VOPP1: variants seen among roughly 807,000 people sequenced by gnomAD.
VOPP1 encodes WW domain binding protein VOPP1.
In VOPP1, 8 loss-of-function variants were observed where a neutral mutation model predicts 23.5. The observed-to-expected ratio is 0.34, with a 90% CI of 0.20 to 0.61. The LOEUF (loss-of-function observed/expected upper bound fraction) is 0.61, where lower values mean the gene tolerates loss of function less well. Among genes scored for constraint, VOPP1 ranks in the 20% least tolerant of loss-of-function variants. The pLI is 0.78. For synonymous variants in VOPP1, 83 were observed against 97.3 expected, an observed-to-expected ratio of 0.85 and a Z score of 0.86; for missense variants, 174 against 238.1, an observed-to-expected ratio of 0.73 and a Z score of 1.77.
downstream of VOPP1, among the ~76,000 whole-genome samples, chr7:55,435,646 G>A (rs978320493): frequency 9.9e-5 from 15 of 152,210 alleles, no homozygotes; most frequent in Non-Finnish European, 2.9e-5. Flanking sequence ...TCAGAGGCAG[G>A]GCTCCTTTAT....
chr7:55,518,206 G>A (rs1341795149), intron 2 of VOPP1, among the ~76,000 whole-genome samples: 1 of 152,218 alleles, frequency 6.6e-6, no homozygotes, highest in Non-Finnish European at 1.5e-5. Context: ...CAATGTCACA[G>A]AGCTGGTAAA....
intron 1 of VOPP1, among the ~76,000 whole-genome samples, chr7:55,556,636 A>ACC (rs5884422): frequency 0.023 from 3,293 of 145,982 alleles, 42 homozygotes; most frequent in Non-Finnish European, 0.026. Context: ...AGCTGTTGGA[A>ACC]CCCCCCCCCA....
chr7:55,539,699 G>A (rs989436366), intron 1 of VOPP1: 3 of 152,226 alleles, frequency 2.0e-5, no homozygotes, highest in Non-Finnish European at 4.4e-5. Flanking sequence ...GAGTCCCTCT[G>A]GAGGTGGCAT....
chr7:55,487,900 T>C (rs1318701809), intron 4 of VOPP1, among the ~76,000 whole-genome samples: 1 of 152,208 alleles, frequency 6.6e-6, no homozygotes, highest in Non-Finnish European at 1.5e-5. Context: ...AGGCCTACAG[T>C]GCTGCCTCAG....
intron 4 of VOPP1, among the ~76,000 whole-genome samples, chr7:55,450,091 G>A (rs1480231233): frequency 6.6e-6 from 1 of 152,220 alleles, no homozygotes; most frequent in Non-Finnish European, 1.5e-5. Context: ...AGCAACGATT[G>A]CATTTCACCT....
intron 1 of VOPP1, among the ~76,000 whole-genome samples, chr7:55,528,554 G>A (rs1796317899): frequency 1.3e-5 from 2 of 152,058 alleles, no homozygotes; most frequent in African/African-American, 4.8e-5. Flanking sequence ...GCGTGGTGGC[G>A]CATGCCTGTA....
chr7:55,546,067 A>G (rs1027708863), intron 1 of VOPP1, among the ~76,000 whole-genome samples: 2 of 152,206 alleles, frequency 1.3e-5, no homozygotes, highest in Non-Finnish European at 2.9e-5. Context: ...ACCCTGTCTC[A>G]ATTAAAAAAA....
intron 4 of VOPP1, among the ~76,000 whole-genome samples, chr7:55,478,546 G>A (rs1245087388): frequency 6.6e-6 from 1 of 152,180 alleles, no homozygotes; most frequent in Non-Finnish European, 1.5e-5. Context: ...CTCCCAAGGA[G>A]AATGGTTTGC....
At chr7:55,451,232 C>T (rs1006032777) in intron 4 of VOPP1, among the ~76,000 whole-genome samples, 17 of 152,152 alleles carry the variant, frequency 1.1e-4, no homozygotes, top group Non-Finnish European at 1.9e-4. Flanking sequence ...TGGACACTTC[C>T]GCACAGCCCA....
intron 1 of VOPP1, chr7:55,552,796 C>A: frequency 6.7e-7 from 1 of 1,498,096 alleles, no homozygotes; most frequent in Non-Finnish European, 8.9e-7. Flanking sequence ...CCTAGGAAAC[C>A]TCCCATGGGC....
intron 1 of VOPP1, chr7:55,538,556 C>T: frequency 6.8e-7 from 1 of 1,469,694 alleles, no homozygotes; most frequent in Non-Finnish European, 9.2e-7. Context: ...AACTGAGGAT[C>T]ACTGTAAACT....
chr7:55,546,445 G>A (rs1179271827), intron 1 of VOPP1, among the ~76,000 whole-genome samples: 6 of 152,182 alleles, frequency 3.9e-5, no homozygotes, highest in African/African-American at 1.4e-4. Context: ...ATGATGAACT[G>A]AATCTCCCAA....
intron 1 of VOPP1, chr7:55,521,702 ACATCCCG>A (rs1056964886): frequency 2.0e-6 from 2 of 986,930 alleles, no homozygotes; most frequent in African/African-American, 3.5e-5. Context: ...CCAGCTCCTA[ACATCCCG>A]GAGGCAGGGC....
intron 4 of VOPP1, among the ~76,000 whole-genome samples, chr7:55,476,826 C>G (rs1388429257): frequency 6.6e-6 from 1 of 152,168 alleles, no homozygotes; most frequent in African/African-American, 2.4e-5. Context: ...CTACATTCCT[C>G]CCCACCAATC....
chr7:55,479,495 A>G (rs1477775393), intron 4 of VOPP1, among the ~76,000 whole-genome samples: 10 of 152,180 alleles, frequency 6.6e-5, no homozygotes, highest in Non-Finnish European at 1.5e-4. Flanking sequence ...CTCAACTCTT[A>G]GAAATATTTC....
rs1259531414 is a variant in VOPP1, at chr7:55,572,392, G to T, written c.-68C>A. The T allele has an allele frequency of 1.9e-5, 22 of 1,151,502 alleles. No individual in the cohort carries two copies. Among genetic ancestry groups the T allele is most frequent in the Non-Finnish European group, 9.8e-6 (9 of 914,466 alleles). 71.3% of individuals were successfully genotyped at this position (1,151,502 alleles called of 1,614,324 possible). A position where few individuals can be genotyped will look rare whatever the true frequency, so the allele number is the denominator to read the frequency against. On this transcript the variant is annotated 5_prime_UTR_variant, in exon 1 of 5. Coordinates refer to ENST00000285279, the MANE Select transcript of VOPP1 (RefSeq NM_030796.5). ...AGGCGCGCTTCGCGACTCGGCCCCC[G>T]CGCGGGGCGGGCGGGCAGACTGCAG...
intron 1 of VOPP1, among the ~76,000 whole-genome samples, chr7:55,549,351 G>C (rs1797502655): frequency 6.6e-6 from 1 of 152,136 alleles, no homozygotes; most frequent in African/African-American, 2.4e-5. Context: ...AGACTCCCTT[G>C]AACTAGGCAG....
chr7:55,564,243 GTC>G (rs71561947), intron 1 of VOPP1, among the ~76,000 whole-genome samples: 37 of 125,960 alleles, frequency 2.9e-4, no homozygotes, highest in Admixed American at 2.0e-3. Flanking sequence ...CTCTGTCTCT[GTC>G]TCTCTCTCTC....
intron 1 of VOPP1, among the ~76,000 whole-genome samples, chr7:55,524,237 T>A (rs972628316): frequency 2.0e-5 from 3 of 152,260 alleles, no homozygotes; most frequent in African/African-American, 7.2e-5. Flanking sequence ...TAACCTTTTA[T>A]CATTTCTCAC....
Sources: gnomAD v4.1 joint callset for allele counts (sites outside exome capture counted in the v4.1 genomes callset) on GRCh38, gnomAD v4.1.1 for gene constraint, MANE v1.5 for transcripts, NCBI Gene and HGNC (gene_info 2026-07-23, HGNC 2026-07-21) for gene names.